FSTL5: variants seen among roughly 807,000 people sequenced by gnomAD.
FSTL5 encodes the protein follistatin like 5.
Under a neutral mutation model 89.1 loss-of-function variants are expected in FSTL5, and 62 were observed. That is an observed-to-expected ratio of 0.70 (90% CI 0.57 to 0.86). The LOEUF is 0.86. Ranked by LOEUF, FSTL5 falls within the 40% of genes least tolerant of loss-of-function variation. FSTL5 has a pLI of 0.00. For missense variants in FSTL5, 1,057 were observed against 1,001.6 expected (o/e 1.06, Z -0.75); for synonymous variants, 383 against 346.2 (o/e 1.11, Z -1.18).
chr4:161,817,964 C>T (rs1560862804), intron 4 of FSTL5, among the ~76,000 whole-genome samples: 1 of 152,182 alleles, frequency 6.6e-6, no homozygotes, highest in South Asian at 2.1e-4. Flanking sequence ...TCCACCCCCA[C>T]GGACCTAAGT....
chr4:161,565,809 T>C (rs1732779503), intron 8 of FSTL5, among the ~76,000 whole-genome samples: 1 of 144,020 alleles, frequency 6.9e-6, no homozygotes, highest in Non-Finnish European at 1.5e-5. Flanking sequence ...CTTTATCTCT[T>C]CATTGGTTGA....
chr4:161,444,213 G>T (rs995397794), intron 15 of FSTL5, among the ~76,000 whole-genome samples: 2 of 151,884 alleles, frequency 1.3e-5, no homozygotes, highest in African/African-American at 4.8e-5. Flanking sequence ...AGGGGCCTCA[G>T]CTTAGGGCTG....
At chr4:161,399,844 T>G (rs757427932) in intron 15 of FSTL5, among the ~76,000 whole-genome samples, 1 of 152,154 alleles carries the variant, frequency 6.6e-6, no homozygotes, top group Non-Finnish European at 1.5e-5. Flanking sequence ...TAGTACAGTA[T>G]GTACTACAGT....
At chr4:161,776,108 A>G in intron 4 of FSTL5, 34 bp from the exon 5 acceptor site, 1 of 1,058,836 alleles carries the variant, frequency 9.4e-7, no homozygotes, top group Non-Finnish European at 1.3e-6. Flanking sequence ...TTCAAGCAAT[A>G]TTATTGAAAA....
At chr4:162,011,496 CTTTT>C (rs913416967) in intron 3 of FSTL5, among the ~76,000 whole-genome samples, 1 of 149,448 alleles carries the variant, frequency 6.7e-6, no homozygotes. Context: ...TGTTATTTTA[CTTTT>C]TTTTTTCTTT....
At chr4:161,931,783 A>G (rs991011052) in intron 3 of FSTL5, among the ~76,000 whole-genome samples, 1 of 151,948 alleles carries the variant, frequency 6.6e-6, no homozygotes, top group African/African-American at 2.4e-5. Flanking sequence ...CTTTCTTTGC[A>G]GTAGGTGGTA....
chr4:162,049,049 T>C (rs1373762666), intron 2 of FSTL5, among the ~76,000 whole-genome samples: 1 of 152,178 alleles, frequency 6.6e-6, no homozygotes, highest in Non-Finnish European at 1.5e-5. Context: ...TACAAATTTA[T>C]ATCTCTGGGG....
chr4:161,658,121 G>C (rs947960927), intron 6 of FSTL5, among the ~76,000 whole-genome samples: 3 of 152,086 alleles, frequency 2.0e-5, no homozygotes, highest in Non-Finnish European at 4.4e-5. Flanking sequence ...GTCTAACCTT[G>C]AATCAGATTT....
chr4:161,987,228 A>C (rs11100400), intron 3 of FSTL5, among the ~76,000 whole-genome samples: 9,930 of 151,916 alleles, frequency 0.065, 356 homozygotes, highest in Middle Eastern at 0.082. Flanking sequence ...ATTTAAGATG[A>C]CTTTCTTTCT....
chr4:161,887,925 C>T (rs1194992681), intron 4 of FSTL5, among the ~76,000 whole-genome samples: 2 of 152,154 alleles, frequency 1.3e-5, no homozygotes, highest in African/African-American at 4.8e-5. Context: ...TGTGCAATAT[C>T]ATTCAAGTTT....
chr4:161,665,767 A>G (rs1170967205), intron 6 of FSTL5, among the ~76,000 whole-genome samples: 1 of 152,160 alleles, frequency 6.6e-6, no homozygotes, highest in Non-Finnish European at 1.5e-5. Flanking sequence ...ATGCATGCCT[A>G]GGAAACTTGC....
intron 4 of FSTL5, among the ~76,000 whole-genome samples, chr4:161,917,373 G>A (rs922534160): frequency 1.1e-4 from 16 of 152,158 alleles, no homozygotes; most frequent in East Asian, 9.6e-4. Context: ...AAGCTTTTAC[G>A]TATTTTCCAA....
intron 13 of FSTL5, among the ~76,000 whole-genome samples, chr4:161,477,908 T>C (rs1241545590): frequency 1.3e-5 from 2 of 152,064 alleles, no homozygotes; most frequent in African/African-American, 2.4e-5. Context: ...AGATTAAATG[T>C]AGTATTAGTT....
chr4:161,762,757 A>C (rs1185430687), intron 5 of FSTL5, among the ~76,000 whole-genome samples: 1 of 152,198 alleles, frequency 6.6e-6, no homozygotes, highest in Non-Finnish European at 1.5e-5. Flanking sequence ...AAAGTTGGTA[A>C]ACTCCTCAAG....
chr4:161,721,068 GGAGATCGAGACCATCCT>G (rs1739187710), intron 6 of FSTL5, among the ~76,000 whole-genome samples: 1 of 151,576 alleles, frequency 6.6e-6, no homozygotes, highest in Non-Finnish European at 1.5e-5. Context: ...CATGAGGTCA[GGAGATCGAGACCATCCT>G]GGCTAACAAG....
intron 3 of FSTL5, among the ~76,000 whole-genome samples, chr4:161,970,554 A>T (rs1337927222): frequency 6.6e-6 from 1 of 152,116 alleles, no homozygotes; most frequent in Non-Finnish European, 1.5e-5. Context: ...TACAAATTTC[A>T]AGAATCGGTT....
intron 3 of FSTL5, among the ~76,000 whole-genome samples, chr4:161,989,914 C>T (rs1008510757): frequency 4.6e-5 from 7 of 152,106 alleles, no homozygotes; most frequent in African/African-American, 1.7e-4. Context: ...GCTGTTTACA[C>T]CTCTCTTGAT....
intron 4 of FSTL5, among the ~76,000 whole-genome samples, chr4:161,816,752 C>T (rs1371777210): frequency 2.0e-5 from 3 of 152,036 alleles, no homozygotes; most frequent in Admixed American, 1.3e-4. Context: ...GAGATAAAGC[C>T]TGGGACAAGA....
chr4:161,866,650 C>T (rs1433317234), intron 4 of FSTL5, among the ~76,000 whole-genome samples: 2 of 151,726 alleles, frequency 1.3e-5, no homozygotes, highest in African/African-American at 4.8e-5. Context: ...TCAGTGTAGC[C>T]TTAACAACAA....
Sources: allele counts gnomAD v4.1 joint callset (sites outside exome capture counted in the v4.1 genomes callset), GRCh38; gene constraint gnomAD v4.1.1; transcripts MANE v1.5; gene names NCBI Gene and HGNC (gene_info 2026-07-23, HGNC 2026-07-21).